Variants in CRISPLD2 observed in about 807,000 individuals in gnomAD.
CRISPLD2 encodes cysteine rich secretory protein LCCL domain containing 2, also known as cysteine-rich secretory protein LCCL domain-containing 2.
A neutral mutation model predicts 71.1 loss-of-function variants in CRISPLD2; 47 were observed. The observed-to-expected ratio is 0.66, with a 90% CI of 0.52 to 0.84. The LOEUF is 0.84. Ranked by LOEUF, CRISPLD2 falls within the 40% of genes least tolerant of loss-of-function variation. CRISPLD2 has a pLI of 0.00. For missense variants in CRISPLD2, 830 were observed against 651.1 expected (o/e 1.27, Z -2.99); for synonymous variants, 317 against 250.1 (o/e 1.27, Z -2.52).
In CRISPLD2 at chr16:84,889,344, A is replaced by C. The variant is rs1384179980; in HGVS notation, c.1420A>C (p.Asn474His). 1 of 1,613,376 alleles carries C rather than the reference A, an allele frequency of 6.2e-7. No individual in the cohort carries two copies. Among genetic ancestry groups the C allele is most frequent in the South Asian group, 1.1e-5 (1 of 91,006 alleles). ...KKKTYVGSLR[N>H]GVQSESLGTP... ...GAAGACCTACGTGGGCTCGCTCAGG[A>C]ATGGAGTTCAGTCTGAAAGGTAGGG... The change falls in exon 14 of 15, where the codon AAT becomes CAT. Residue 474 changes from asparagine to histidine, a missense_variant. Physicochemically the swap from Asn to His is moderately conservative, Grantham distance 68 (BLOSUM62 1). Transcript: ENST00000262424.
chr16:84,855,438 C>A (rs1917211641), intron 6 of CRISPLD2, among the ~76,000 whole-genome samples: 1 of 152,172 alleles, frequency 6.6e-6, no homozygotes, highest in South Asian at 2.1e-4. Flanking sequence ...AAGCATCCAG[C>A]ACGGGAGAAA....
Position 84,907,103 on chromosome 16 carries a change from G to C in CRISPLD2, c.*461G>C, listed in dbSNP as rs531387350. ...AATGAGTTTCAGGAATGAAGTAGAA[G>C]GTAGTTATTTAAAAATAAAAAACAC... is the stretch of plus-strand genomic sequence containing the variant. On this transcript the variant is annotated 3_prime_UTR_variant, in exon 15 of 15. Transcript: ENST00000262424. 1.1e-5 allele frequency: 2 copies of C among 182,800 alleles called. No homozygotes were observed. Among genetic ancestry groups the C allele is most frequent in the South Asian group, 2.0e-4 (2 of 9,816 alleles). 11.3% of individuals were successfully genotyped at this position (182,800 alleles called of 1,614,324 possible). A position where few individuals can be genotyped will look rare whatever the true frequency, so the allele number is the denominator to read the frequency against.
rs113591917 is a variant in CRISPLD2 at position 84,883,831 on chromosome 16, G to A, written c.1305+3247G>A. ...GTGTGCCATCCTGCGTTAAGCCTGG[G>A]GTCTTATTTAATTTTTTTTTTTTTT... On this transcript the variant is annotated intron_variant, in intron 13 of 14. Transcript: ENST00000262424. Among the ~76,000 whole-genome samples, 239 of 151,480 alleles carry A rather than the reference G, an allele frequency of 1.6e-3. 1 individual carries two copies. The highest frequency in any genetic ancestry group is 1.2e-3 in the Non-Finnish European group (83 of 67,930).
intron 14 of CRISPLD2, among the ~76,000 whole-genome samples, chr16:84,900,849 C>T (rs767526023): frequency 6.6e-6 from 1 of 151,882 alleles, no homozygotes; most frequent in Non-Finnish European, 1.5e-5. Context: ...CCCAGGAGTT[C>T]GAGACCAGCA....
At chr16:84,872,617 C>G (rs1355069183) in intron 9 of CRISPLD2, 109 bp downstream of exon 9, 1 of 960,398 alleles carries the variant, frequency 1.0e-6, no homozygotes, top group Non-Finnish European at 1.6e-6. Flanking sequence ...ACTCCTTAGT[C>G]AAACCTGGCA....
rs777125503 is a variant in CRISPLD2 at position 84,845,890 on chromosome 16, C to T, written c.345C>T (p.Gly115=). ...TGGTGTCCATCGGGCAGAACCTGGG[C>T]GCTCACTGGGGCAGGTAAGAGCCAC... The part of the protein sequence containing the change: ...SLLVSIGQNL[G]AHWGRYRSPG... Residue 115 remains glycine, a synonymous_variant, in exon 3 of 15, where the codon GGC becomes GGT. Transcript: ENST00000262424. 8.1e-6 allele frequency: 13 copies of T among 1,611,918 alleles called. No individual in the cohort carries two copies. The highest frequency in any genetic ancestry group is 4.5e-5 in the East Asian group (2 of 44,854).
In CRISPLD2 at chr16:84,873,047, G is replaced by A; in HGVS notation, c.1037G>A (p.Gly346Asp). The A allele has an allele frequency of 1.2e-6, 2 of 1,613,956 alleles. No individual in the cohort carries two copies. The highest frequency in any genetic ancestry group is 1.7e-6 in the Non-Finnish European group (2 of 1,179,944). Residue 346 changes from glycine to aspartate, a missense_variant, in exon 10 of 15, where the codon GGC becomes GAC. Physicochemically the swap from Gly to Asp is moderately conservative, Grantham distance 94. Transcript: ENST00000262424. Reference sequence around the variant, plus strand: ...TACGGGATCCTGGATGACAAGGGAGGCCTGGTGGATATCACCAGGAACGGG... The same window carrying A: ...TACGGGATCCTGGATGACAAGGGAGACCTGGTGGATATCACCAGGAACGGG... Reference protein sequence around the residue: ...IHYGILDDKGGLVDITRNGKV... With the variant: ...IHYGILDDKGDLVDITRNGKV...
chr16:84,860,550 G>T (rs1917351476), intron 6 of CRISPLD2, among the ~76,000 whole-genome samples: 1 of 152,210 alleles, frequency 6.6e-6, no homozygotes, highest in Non-Finnish European at 1.5e-5. Flanking sequence ...CTCAGGCAGT[G>T]CAGGGTTTAT....
chr16:84,842,000 G>T, intron 2 of CRISPLD2: 1 of 153,160 alleles, frequency 6.5e-6, no homozygotes. Flanking sequence ...GGCGGTATTT[G>T]GGCGGGAGGC....
chr16:84,880,941 A>G (rs1030119185), intron 13 of CRISPLD2, among the ~76,000 whole-genome samples: 2 of 152,028 alleles, frequency 1.3e-5, no homozygotes, highest in African/African-American at 4.8e-5. Context: ...CCAACCTCAG[A>G]TGATCCGCCC....
At position 84,877,473 on chromosome 16, in the gene CRISPLD2, C is replaced by G. The variant is rs148726852; in HGVS notation, c.1192C>G (p.Leu398Val). The change falls in exon 12 of 15, where the codon CTG (leucine) becomes GTG (valine). Residue 398 changes from leucine to valine, a missense_variant. By Grantham distance (32) the Leu-to-Val change is conservative. Coordinates refer to ENST00000262424, the MANE Select transcript of CRISPLD2 (RefSeq NM_031476.4). ...DLDCYTTVAQ[L>V]CPFEKPATHC... ...GGACTGCTACACGACCGTTGCTCAGCTGTGCCCGTTTGAAAAGCCAGCAAC... is the reference window on the plus strand; with the variant it reads ...GGACTGCTACACGACCGTTGCTCAGGTGTGCCCGTTTGAAAAGCCAGCAAC... The G allele has an allele frequency of 1.9e-6, 3 of 1,614,010 alleles. No homozygotes were observed. The highest frequency in any genetic ancestry group is 1.3e-5 in the African/African-American group (1 of 75,050).
At chr16:84,904,893 T>A (rs866628490) in intron 14 of CRISPLD2, among the ~76,000 whole-genome samples, 5 of 152,358 alleles carry the variant, frequency 3.3e-5, no homozygotes, top group Middle Eastern at 6.8e-3. Context: ...TGACCTTGGA[T>A]GGTTTGCTAG....
At chr16:84,849,122 C>G in intron 3 of CRISPLD2, 1 of 456,002 alleles carries the variant, frequency 2.2e-6, no homozygotes. Context: ...GTATTAAGCA[C>G]CTGTACCAGG....
chr16:84,880,632 A>G (rs2071560257), intron 13 of CRISPLD2, 48 bp downstream of exon 13: 1 of 1,451,784 alleles, frequency 6.9e-7, no homozygotes, highest in African/African-American at 1.4e-5. Flanking sequence ...CCTGTTAAAG[A>G]CCTCAACATG....
intron 11 of CRISPLD2, among the ~76,000 whole-genome samples, chr16:84,876,167 G>C (rs1318335382): frequency 6.6e-6 from 1 of 152,102 alleles, no homozygotes; most frequent in East Asian, 1.9e-4. Flanking sequence ...CAAACATAAG[G>C]ACCACAAAGC....
intron 5 of CRISPLD2, among the ~76,000 whole-genome samples, chr16:84,851,072 G>A (rs1917076553): frequency 6.6e-6 from 1 of 152,242 alleles, no homozygotes; most frequent in Non-Finnish European, 1.5e-5. Context: ...AACTGGCTTT[G>A]CAAGACGTCC....
intron 14 of CRISPLD2, among the ~76,000 whole-genome samples, chr16:84,899,687 G>T (rs1336669102): frequency 6.6e-6 from 1 of 152,176 alleles, no homozygotes; most frequent in African/African-American, 2.4e-5. Context: ...TACCTCCAAG[G>T]TGAGCAGGTT....
intron 14 of CRISPLD2, among the ~76,000 whole-genome samples, chr16:84,905,494 C>T (rs1347604603): frequency 4.0e-5 from 6 of 151,028 alleles, no homozygotes; most frequent in African/African-American, 7.3e-5. Context: ...CCACCTCCCA[C>T]GTTCAAGTGA....
At position 84,840,926 on chromosome 16, in the gene CRISPLD2, A is replaced by G. The variant is rs150106787; in HGVS notation, c.240+2191A>G. ...GATATTTAATCAACTGGTGAATTCT[A>G]TGTATTTTTGAGTGCCTCCCGTGTG... On this transcript the variant is annotated intron_variant, in intron 2 of 14. Transcript: ENST00000262424. Among the ~76,000 whole-genome samples the G allele has an allele frequency of 2.2e-3, 339 of 152,172 alleles. 1 individual carries two copies. Among genetic ancestry groups the G allele is most frequent in the African/African-American group, 7.8e-3 (325 of 41,494 alleles).
Sources: allele counts gnomAD v4.1 joint callset (sites outside exome capture counted in the v4.1 genomes callset), GRCh38; gene constraint gnomAD v4.1.1; transcripts MANE v1.5; gene names NCBI Gene and HGNC (gene_info 2026-07-23, HGNC 2026-07-21).